CCSER1: variants seen among roughly 807,000 people sequenced by gnomAD.
CCSER1 encodes serine-rich coiled-coil domain-containing protein 1.
CCSER1 carries 41 observed loss-of-function variants against 82.0 expected under a neutral mutation model. The ratio of observed to expected loss-of-function variants is 0.50; its 90% confidence interval spans 0.39 to 0.65. The LOEUF is 0.65. Among genes scored for constraint, CCSER1 ranks in the 30% least tolerant of loss-of-function variants. The pLI, the probability that CCSER1 is intolerant of heterozygous loss-of-function variation, is 0.00. For synonymous variants in CCSER1, 414 were observed against 383.9 expected, an observed-to-expected ratio of 1.08 and a Z score of -0.92; for missense variants, 1,119 against 1,064.2, an observed-to-expected ratio of 1.05 and a Z score of -0.72.
Position 91,296,483 on chromosome 4 carries a change from A to ATATATATATATATATATATT in CCSER1, c.2217+210492_2217+210493insATATATATATATATATTTAT, listed in dbSNP as rs1175690764. On this transcript the variant is annotated intron_variant, in intron 10 of 10. Transcript: ENST00000509176. ...TATATATATGTATATATATATATAT[A>ATATATATATATATATATATT]TATTTTAATTAAATATACAGTTATC... Among the ~76,000 whole-genome samples, 9 of 124,042 alleles carry ATATATATATATATATATATT rather than the reference A, an allele frequency of 7.3e-5. No individual in the cohort carries two copies. In the South Asian group the frequency reaches 9.4e-4, roughly 13 times the overall value. The allele number at this position is 124,042 out of a possible 152,430, so 81.4% of individuals were successfully genotyped here. A position where few individuals can be genotyped will look rare whatever the true frequency, so the allele number is the denominator to read the frequency against.
chr4:90,619,184 TC>T (rs1721852469), intron 5 of CCSER1, among the ~76,000 whole-genome samples: 1 of 151,986 alleles, frequency 6.6e-6, no homozygotes, highest in Non-Finnish European at 1.5e-5. Context: ...TTTTGAAAGC[TC>T]TTCAGTATCA....
intron 10 of CCSER1, among the ~76,000 whole-genome samples, chr4:91,304,955 C>G (rs1744937867): frequency 6.6e-6 from 1 of 151,958 alleles, no homozygotes; most frequent in African/African-American, 2.4e-5. Flanking sequence ...TTTTCTCACC[C>G]TCTTCCTTTT....
rs1747280659 is a variant in CCSER1 at position 90,745,580 on chromosome 4, G to A, written c.2010+21589G>A. ...TATTGAGCTGCTTGTGTAAGTATTT[G>A]CAATGCACATTACTTTTCCCCCTCA... is the stretch of plus-strand genomic sequence containing the variant. On this transcript the variant is annotated intron_variant, in intron 7 of 10. Transcript: ENST00000509176. Among the ~76,000 whole-genome samples, 4 of 150,670 alleles carry A rather than the reference G, an allele frequency of 2.7e-5. No individual in the cohort carries two copies. In the South Asian group the frequency reaches 8.5e-4, roughly 32 times the overall value.
chr4:91,243,494 A>G (rs954669520), intron 10 of CCSER1, among the ~76,000 whole-genome samples: 7 of 152,190 alleles, frequency 4.6e-5, no homozygotes, highest in African/African-American at 1.4e-4. Context: ...GCTCACAGCA[A>G]TGAAAGTGAC....
intron 1 of CCSER1, among the ~76,000 whole-genome samples, chr4:90,156,432 A>C (rs933175595): frequency 6.6e-6 from 1 of 152,060 alleles, no homozygotes; most frequent in Non-Finnish European, 1.5e-5. Flanking sequence ...TATCGTTGTT[A>C]ACTTTCTGTC....
At chr4:90,697,382 A>G (rs545622380) in intron 6 of CCSER1, among the ~76,000 whole-genome samples, 3 of 121,220 alleles carry the variant, frequency 2.5e-5, no homozygotes, top group African/African-American at 7.2e-5. Context: ...GTTATTTCAC[A>G]TAACATAAAA....
chr4:91,115,979 A>G (rs1225570314), intron 10 of CCSER1, among the ~76,000 whole-genome samples: 1 of 151,408 alleles, frequency 6.6e-6, no homozygotes, highest in Non-Finnish European at 1.5e-5. Flanking sequence ...TACATTAGGT[A>G]TATCTCCTAA....
At chr4:91,015,289 T>C (rs1316075641) in intron 9 of CCSER1, 1 of 152,088 alleles carries the variant, frequency 6.6e-6, no homozygotes, top group African/African-American at 2.4e-5. Context: ...AAGTAATACA[T>C]AATGAAAAAT....
intron 10 of CCSER1, among the ~76,000 whole-genome samples, chr4:91,236,397 C>A (rs1414849636): frequency 6.6e-6 from 1 of 151,954 alleles, no homozygotes; most frequent in Non-Finnish European, 1.5e-5. Context: ...GCAAAAGAAT[C>A]GCTTGAACCC....
intron 10 of CCSER1, among the ~76,000 whole-genome samples, chr4:91,462,613 G>C (rs768415895): frequency 5.9e-5 from 9 of 152,158 alleles, no homozygotes; most frequent in South Asian, 2.1e-4. Context: ...TCCTAGCCAA[G>C]GGAAGCGGTG....
intron 10 of CCSER1, among the ~76,000 whole-genome samples, chr4:91,492,688 G>C (rs1165229147): frequency 1.3e-5 from 2 of 152,026 alleles, no homozygotes; most frequent in Non-Finnish European, 2.9e-5. Context: ...TGGATTTACA[G>C]AGAATCCTCG....
At chr4:91,110,639 T>C (rs1226393815) in intron 10 of CCSER1, among the ~76,000 whole-genome samples, 1 of 152,034 alleles carries the variant, frequency 6.6e-6, no homozygotes, top group Non-Finnish European at 1.5e-5. Flanking sequence ...TTTATCTCTG[T>C]CAGTCTGTCA....
chr4:91,179,501 CT>C (rs1262319585), intron 10 of CCSER1, among the ~76,000 whole-genome samples: 11 of 152,150 alleles, frequency 7.2e-5, no homozygotes, highest in Non-Finnish European at 1.6e-4. Flanking sequence ...TTGTTCATTT[CT>C]TTTTACTGTT....
intron 10 of CCSER1, among the ~76,000 whole-genome samples, chr4:91,223,444 T>A (rs1007176332): frequency 6.6e-6 from 1 of 152,104 alleles, no homozygotes; most frequent in Non-Finnish European, 1.5e-5. Flanking sequence ...AATAAAGAAT[T>A]AATAATTTTA....
At chr4:90,493,562 C>G (rs1169136827) in intron 5 of CCSER1, among the ~76,000 whole-genome samples, 1 of 152,182 alleles carries the variant, frequency 6.6e-6, no homozygotes, top group Non-Finnish European at 1.5e-5. Flanking sequence ...AACAGCTGAT[C>G]TCTTGCTAGA....
In CCSER1 at chr4:90,980,490, A is replaced by G. The variant is rs560227277; in HGVS notation, c.2172+57043A>G. Among the ~76,000 whole-genome samples the G allele has an allele frequency of 4.1e-3, 619 of 151,970 alleles. 10 individuals are homozygous for G. The highest frequency in any genetic ancestry group is 0.034 in the South Asian group (166 of 4,826). ...ACACAGGCATTATGTGATTTGACTT[A>G]TGATTTTTAATAATCACTTTGAATT... On this transcript the variant is annotated intron_variant, in intron 9 of 10. Coordinates refer to ENST00000509176, the MANE Select transcript of CCSER1 (RefSeq NM_001145065.2).
intron 1 of CCSER1, among the ~76,000 whole-genome samples, chr4:90,283,885 G>GT (rs1729342126): frequency 3.9e-5 from 6 of 151,910 alleles, no homozygotes. Flanking sequence ...TCTTTTTTTA[G>GT]TTTTTTGAGA....
chr4:90,853,522 A>G (rs1013110983), intron 8 of CCSER1, among the ~76,000 whole-genome samples: 1 of 152,144 alleles, frequency 6.6e-6, no homozygotes, highest in Non-Finnish European at 1.5e-5. Context: ...TATGTTATTG[A>G]TTCTTTTCAC....
chr4:90,973,169 T>A (rs1735279876), intron 9 of CCSER1, among the ~76,000 whole-genome samples: 2 of 151,786 alleles, frequency 1.3e-5, no homozygotes, highest in Non-Finnish European at 1.5e-5. Context: ...GTAGGTTTTT[T>A]CATCACAGCA....
Sources: gnomAD v4.1 joint callset for allele counts (sites outside exome capture counted in the v4.1 genomes callset) on GRCh38, gnomAD v4.1.1 for gene constraint, MANE v1.5 for transcripts, NCBI Gene and HGNC (gene_info 2026-07-23, HGNC 2026-07-21) for gene names.